Variants in ITGAV observed in about 807,000 individuals in gnomAD.
ITGAV encodes integrin subunit alpha V, also known as integrin alpha-V.
Under a neutral mutation model 143.8 loss-of-function variants are expected in ITGAV, and 76 were observed. That is an observed-to-expected ratio of 0.53 (90% CI 0.44 to 0.64). The LOEUF is 0.64. ITGAV is among the 30% of genes least tolerant of loss of function. ITGAV has a pLI of 0.00. For synonymous variants in ITGAV, 453 were observed against 446.7 expected, an observed-to-expected ratio of 1.01 and a Z score of -0.18; for missense variants, 1,193 against 1,274.7, an observed-to-expected ratio of 0.94 and a Z score of 0.98.
chr2:186,640,835 T>C (rs1241043858), intron 10 of ITGAV, 80 bp from the exon 11 acceptor site: 1 of 1,127,358 alleles, frequency 8.9e-7, no homozygotes, highest in Non-Finnish European at 1.3e-6. Context: ...ATAACCCTAT[T>C]TGGTACATAT....
chr2:186,656,286 A>G lies in ITGAV; in HGVS notation c.1604A>G (p.Lys535Arg). 2 of 1,585,864 alleles carry G rather than the reference A, an allele frequency of 1.3e-6. No individual in the cohort carries two copies. Among genetic ancestry groups the G allele is most frequent in the South Asian group, 1.2e-5 (1 of 85,654 alleles). ...VELLLDKLKQ[K>R]GAIRRALFLY... ...CTTCTTTTGGATAAACTCAAGCAAA[A>G]GGGAGCAATTCGACGAGCACTGTTT... The change falls in exon 17 of 30, where the codon AAG becomes AGG. Residue 535 changes from lysine to arginine, a missense_variant. Physicochemically the swap from Lys to Arg is conservative, Grantham distance 26. Coordinates refer to ENST00000261023, the MANE Select transcript of ITGAV (RefSeq NM_002210.5).
chr2:186,677,331 A>T lies in ITGAV; in HGVS notation c.*39A>T. 2 of 1,446,784 alleles carry T rather than the reference A, an allele frequency of 1.4e-6. No individual in the cohort carries two copies. Among genetic ancestry groups the T allele is most frequent in the Non-Finnish European group, 1.9e-6 (2 of 1,036,286 alleles). The allele number at this position is 1,446,784 out of a possible 1,614,324, so 89.6% of individuals were successfully genotyped here. The stretch of plus-strand genomic sequence containing the variant: ...GTTATGCTACATCTTGACCCACTAG[A>T]ATTAGCAACTTTATTATAGATTTAA... On this transcript the variant is annotated 3_prime_UTR_variant, in exon 30 of 30. Coordinates refer to ENST00000261023, the MANE Select transcript of ITGAV (RefSeq NM_002210.5).
At chr2:186,615,215 T>C (rs990965156) in intron 2 of ITGAV, among the ~76,000 whole-genome samples, 2 of 152,078 alleles carry the variant, frequency 1.3e-5, no homozygotes, top group African/African-American at 4.8e-5. Flanking sequence ...TAGATGCACA[T>C]TTGAGTGTTT....
chr2:186,655,508 A>G (rs568854162), intron 16 of ITGAV, among the ~76,000 whole-genome samples: 36 of 152,346 alleles, frequency 2.4e-4, no homozygotes, highest in African/African-American at 8.7e-4. Context: ...CATGGAGGTC[A>G]ATATGGCCTA....
chr2:186,623,045 C>T (rs936975063), intron 3 of ITGAV, among the ~76,000 whole-genome samples: 6 of 151,980 alleles, frequency 3.9e-5, no homozygotes, highest in Admixed American at 6.6e-5. Context: ...AAATACGACA[C>T]GATGTTGAAG....
intron 3 of ITGAV, among the ~76,000 whole-genome samples, chr2:186,624,449 G>A (rs1229564716): frequency 6.6e-6 from 1 of 152,114 alleles, no homozygotes; most frequent in Non-Finnish European, 1.5e-5. Flanking sequence ...AGAAGGAGGT[G>A]CAAAGAAGCA....
chr2:186,623,914 G>C (rs1687604012), intron 3 of ITGAV, among the ~76,000 whole-genome samples: 1 of 152,066 alleles, frequency 6.6e-6, no homozygotes. Context: ...TCATCCTGCT[G>C]CTGCTTCTCT....
At chr2:186,670,110 G>C (rs1028777926) in intron 26 of ITGAV, among the ~76,000 whole-genome samples, 1 of 152,084 alleles carries the variant, frequency 6.6e-6, no homozygotes, top group Non-Finnish European at 1.5e-5. Context: ...TGAGGCTTTA[G>C]TACGATACTA....
intron 2 of ITGAV, among the ~76,000 whole-genome samples, chr2:186,612,430 G>A (rs1687241359): frequency 6.6e-6 from 1 of 150,704 alleles, no homozygotes; most frequent in Non-Finnish European, 1.5e-5. Flanking sequence ...GTGAATGGAT[G>A]TCACCTACCA....
chr2:186,672,219 G>T (rs979864881), intron 26 of ITGAV, among the ~76,000 whole-genome samples: 1 of 151,976 alleles, frequency 6.6e-6, no homozygotes, highest in African/African-American at 2.4e-5. Flanking sequence ...CAAAGTGTTG[G>T]GATTACAGGC....
chr2:186,616,219 T>G (rs185043050), intron 2 of ITGAV, among the ~76,000 whole-genome samples: 1 of 152,172 alleles, frequency 6.6e-6, no homozygotes, highest in Admixed American at 6.5e-5. Flanking sequence ...CACATTCAGA[T>G]TTTAGGCATA....
At chr2:186,593,637 T>C (rs1368937777) in intron 1 of ITGAV, among the ~76,000 whole-genome samples, 1 of 152,198 alleles carries the variant, frequency 6.6e-6, no homozygotes, top group Non-Finnish European at 1.5e-5. Flanking sequence ...GTAAACATAT[T>C]TTATAATTTG....
intron 2 of ITGAV, among the ~76,000 whole-genome samples, chr2:186,603,862 CTTTT>C (rs869096962): frequency 7.0e-6 from 1 of 143,386 alleles, no homozygotes; most frequent in Admixed American, 7.0e-5. Context: ...GAAGCAATCA[CTTTT>C]TTTTTTTTTT....
At chr2:186,597,088 T>G (rs1024776303) in intron 1 of ITGAV, among the ~76,000 whole-genome samples, 3 of 152,250 alleles carry the variant, frequency 2.0e-5, no homozygotes, top group Non-Finnish European at 1.5e-5. Flanking sequence ...CATCATTTCA[T>G]GCCTATAATG....
intron 18 of ITGAV, among the ~76,000 whole-genome samples, chr2:186,660,782 A>G (rs182002632): frequency 3.9e-5 from 6 of 152,256 alleles, no homozygotes; most frequent in East Asian, 3.9e-4. Context: ...ATTCTCTCCT[A>G]ATTTTGGAGC....
At chr2:186,592,540 T>C (rs538713597) in intron 1 of ITGAV, among the ~76,000 whole-genome samples, 1 of 151,464 alleles carries the variant, frequency 6.6e-6, no homozygotes, top group South Asian at 2.1e-4. Context: ...CTGAGTTTAG[T>C]GTAAGATAAA....
At chr2:186,643,966 C>T (rs933561338) in intron 12 of ITGAV, among the ~76,000 whole-genome samples, 3 of 152,138 alleles carry the variant, frequency 2.0e-5, no homozygotes, top group African/African-American at 7.2e-5. Flanking sequence ...TTTGTTGAGA[C>T]AGGGTATTGC....
At chr2:186,620,369 C>G (rs1034685326) in intron 2 of ITGAV, among the ~76,000 whole-genome samples, 25 of 152,154 alleles carry the variant, frequency 1.6e-4, no homozygotes, top group African/African-American at 6.0e-4. Flanking sequence ...AATAAAGTTT[C>G]CGGGCAAGAG....
intron 2 of ITGAV, among the ~76,000 whole-genome samples, chr2:186,608,536 A>G (rs1466494609): frequency 2.6e-5 from 4 of 152,068 alleles, no homozygotes; most frequent in African/African-American, 9.7e-5. Context: ...TCTCCCATTC[A>G]CCTTTTAAGT....
Sources: allele counts gnomAD v4.1 joint callset (sites outside exome capture counted in the v4.1 genomes callset), GRCh38; gene constraint gnomAD v4.1.1; transcripts MANE v1.5; gene names NCBI Gene and HGNC (gene_info 2026-07-23, HGNC 2026-07-21).